The following CAMK4 variants were observed in gnomAD, a reference collection of about 807,000 sequenced individuals.
CAMK4 encodes the protein calcium/calmodulin-dependent protein kinase type IV.
CAMK4 carries 22 observed loss-of-function variants against 44.9 expected under a neutral mutation model. The observed-to-expected ratio is 0.49, with a 90% CI of 0.35 to 0.70. The LOEUF (loss-of-function observed/expected upper bound fraction) is 0.70, where lower values mean the gene tolerates loss of function less well. CAMK4 is among the 30% of genes least tolerant of loss of function. The pLI, the probability that CAMK4 is intolerant of heterozygous loss-of-function variation, is 0.01. For missense variants in CAMK4, 498 were observed against 586.8 expected (o/e 0.85, Z 1.56); for synonymous variants, 218 against 215.4 (o/e 1.01, Z -0.11).
chr5:111,404,560 A>G (rs1351484348), intron 5 of CAMK4, among the ~76,000 whole-genome samples: 1 of 152,230 alleles, frequency 6.6e-6, no homozygotes, highest in Non-Finnish European at 1.5e-5. Context: ...GTGTGGGGAT[A>G]CATGACTTAA....
intron 1 of CAMK4, among the ~76,000 whole-genome samples, chr5:111,326,910 G>A (rs1282045150): frequency 6.6e-6 from 1 of 151,828 alleles, no homozygotes; most frequent in Non-Finnish European, 1.5e-5. Flanking sequence ...ACAGGGTGAT[G>A]ACTAATCGAA....
chr5:111,277,895 A>G (rs182222619), intron 1 of CAMK4, among the ~76,000 whole-genome samples: 2 of 152,322 alleles, frequency 1.3e-5, no homozygotes, highest in East Asian at 3.9e-4. Context: ...TGATCCTGGA[A>G]AATTTTTAAA....
At chr5:111,430,554 A>T (rs1753406856) in intron 5 of CAMK4, among the ~76,000 whole-genome samples, 1 of 152,216 alleles carries the variant, frequency 6.6e-6, no homozygotes, top group Non-Finnish European at 1.5e-5. Context: ...ATTTGGAGAA[A>T]ACCTTAAGAC....
At chr5:111,363,198 T>C (rs1314296075) in intron 2 of CAMK4, among the ~76,000 whole-genome samples, 1 of 152,100 alleles carries the variant, frequency 6.6e-6, no homozygotes, top group Non-Finnish European at 1.5e-5. Context: ...AAAGAGAATC[T>C]AGAGGCTCTT....
At chr5:111,301,548 G>A (rs1747718768) in intron 1 of CAMK4, among the ~76,000 whole-genome samples, 1 of 152,144 alleles carries the variant, frequency 6.6e-6, no homozygotes, top group African/African-American at 2.4e-5. Context: ...TTCCTTTGAA[G>A]GGGGAATGGG....
chr5:111,484,097 G>A lies in CAMK4; in HGVS notation c.1053G>A (p.Glu351=), dbSNP rs143061475. The part of the protein sequence containing the change: ...SASSSHGSIQ[E]SHKASRDPSP... ...GCAGCAGCCATGGCAGCATCCAGGAGAGCCACAAGGCTAGCCGAGACCCTT... is the reference window on the plus strand; with the variant it reads ...GCAGCAGCCATGGCAGCATCCAGGAAAGCCACAAGGCTAGCCGAGACCCTT... The change falls in exon 11 of 11, where the codon GAG becomes GAA. Residue 351 remains glutamate (E), a synonymous_variant. Transcript: ENST00000282356. The surrounding 1 kb of genome is among the most constrained non-coding windows in gnomAD (Gnocchi z 5.3). The A allele has an allele frequency of 5.8e-5, 94 of 1,613,640 alleles. No individual in the cohort carries two copies. The highest frequency in any genetic ancestry group is 7.6e-5 in the Non-Finnish European group (90 of 1,179,810).
intron 1 of CAMK4, among the ~76,000 whole-genome samples, chr5:111,309,682 G>A (rs748030428): frequency 2.0e-5 from 3 of 152,048 alleles, no homozygotes; most frequent in African/African-American, 2.4e-5. Context: ...TTCCAGGTCC[G>A]GATCATGGTA....
intron 1 of CAMK4, among the ~76,000 whole-genome samples, chr5:111,299,829 T>C (rs1195287791): frequency 6.6e-6 from 1 of 152,206 alleles, no homozygotes; most frequent in African/African-American, 2.4e-5. Flanking sequence ...CTGTGTTTTT[T>C]TTAAAGGTTT....
At chr5:111,343,373 T>C (rs1749721547) in intron 1 of CAMK4, among the ~76,000 whole-genome samples, 1 of 151,780 alleles carries the variant, frequency 6.6e-6, no homozygotes, top group Non-Finnish European at 1.5e-5. Context: ...TTGGTCTATA[T>C]TTCTCTTTTA....
intron 5 of CAMK4, among the ~76,000 whole-genome samples, chr5:111,430,854 T>C: frequency 6.6e-6 from 1 of 151,816 alleles, no homozygotes; most frequent in South Asian, 2.1e-4. Flanking sequence ...GAAGAATCGG[T>C]ATTATTAAAA....
chr5:111,370,174 T>C (rs758863389), intron 2 of CAMK4, among the ~76,000 whole-genome samples: 2 of 152,158 alleles, frequency 1.3e-5, no homozygotes, highest in South Asian at 4.1e-4. Context: ...TAATTCTGAA[T>C]TAAAAGCAAA....
intron 7 of CAMK4, among the ~76,000 whole-genome samples, 170 bp from the exon 8 acceptor site, chr5:111,473,141 T>G (rs1755121074): frequency 6.6e-6 from 1 of 152,202 alleles, no homozygotes; most frequent in South Asian, 2.1e-4. Context: ...TCTCTCCTAC[T>G]AAAATAGACA....
chr5:111,336,637 G>A (rs531496118), intron 1 of CAMK4, among the ~76,000 whole-genome samples: 1 of 151,084 alleles, frequency 6.6e-6, no homozygotes, highest in East Asian at 2.0e-4. Context: ...GCTTTGCTAA[G>A]ACAATGATTT....
intron 1 of CAMK4, among the ~76,000 whole-genome samples, chr5:111,258,142 A>G (rs947526358): frequency 2.6e-5 from 4 of 152,234 alleles, no homozygotes; most frequent in African/African-American, 9.6e-5. Flanking sequence ...CACACTCTGC[A>G]GTGTATGGAA....
At chr5:111,301,875 T>C (rs1020461720) in intron 1 of CAMK4, among the ~76,000 whole-genome samples, 21 of 152,218 alleles carry the variant, frequency 1.4e-4, no homozygotes, top group African/African-American at 4.6e-4. Flanking sequence ...TTATTCTCTC[T>C]ACAGTTCACT....
At chr5:111,375,644 G>A (rs1183317523) in intron 3 of CAMK4, among the ~76,000 whole-genome samples, 2 of 152,150 alleles carry the variant, frequency 1.3e-5, no homozygotes. Flanking sequence ...GCATTCAGCT[G>A]TAAATAGCAG....
chr5:111,229,600 T>G (rs1421506448), intron 1 of CAMK4, among the ~76,000 whole-genome samples: 2 of 152,220 alleles, frequency 1.3e-5, no homozygotes, highest in Non-Finnish European at 2.9e-5. Context: ...GACCAGAGCT[T>G]CTTAGATCCT....
intron 1 of CAMK4, among the ~76,000 whole-genome samples, chr5:111,236,009 C>T (rs763499058): frequency 2.0e-5 from 3 of 152,212 alleles, no homozygotes; most frequent in Non-Finnish European, 2.9e-5. Flanking sequence ...TGTTACTTGA[C>T]GGCCCTGCCT....
intron 1 of CAMK4, among the ~76,000 whole-genome samples, chr5:111,260,564 C>T (rs893145052): frequency 6.6e-6 from 1 of 152,138 alleles, no homozygotes; most frequent in South Asian, 2.1e-4. Flanking sequence ...TCTGCAGTCC[C>T]TAGCTTTCTT....
Sources: allele counts gnomAD v4.1 joint callset (sites outside exome capture counted in the v4.1 genomes callset), GRCh38; gene constraint gnomAD v4.1.1; non-coding constraint Gnocchi (gnomAD v3.1); transcripts MANE v1.5; gene names NCBI Gene and HGNC (gene_info 2026-07-23, HGNC 2026-07-21).